The following RASAL1 variants were observed in gnomAD, a reference collection of about 807,000 sequenced individuals.
The protein encoded by RASAL1 is RAS protein activator like 1, also known as rasGAP-activating-like protein 1.
RASAL1 carries 72 observed loss-of-function variants against 96.6 expected under a neutral mutation model. The ratio of observed to expected loss-of-function variants is 0.75; its 90% CI spans 0.62 to 0.91. The LOEUF (loss-of-function observed/expected upper bound fraction) is 0.91, where lower values mean the gene tolerates loss of function less well. Among genes scored for constraint, RASAL1 ranks in the 40% least tolerant of loss-of-function variants. RASAL1 has a pLI of 0.00. For missense variants in RASAL1, 1,016 were observed against 1,072.5 expected, an observed-to-expected ratio of 0.95 and a Z score of 0.74; for synonymous variants, 405 against 430.4, an observed-to-expected ratio of 0.94 and a Z score of 0.73.
intron 4 of RASAL1, among the ~76,000 whole-genome samples, chr12:113,122,649 G>C (rs146608350): frequency 2.9e-4 from 44 of 151,768 alleles, no homozygotes; most frequent in Admixed American, 5.9e-4. Context: ...TAATTCTAAG[G>C]ACTATGTCTC....
chr12:113,135,311 A>G lies in RASAL1; in HGVS notation c.65+87T>C. On this transcript the variant is annotated intron_variant, in intron 1 of 20. Transcript: ENST00000548055. The surrounding 1 kb of genome is among the most constrained non-coding windows in gnomAD (Gnocchi z 5.7). ...ACAAGAACCCCTCGCCCTCCTGCCA[A>G]CCCGCCCTGGCACGCGGAAAGGGCG... 2 of 1,319,202 alleles carry G rather than the reference A, an allele frequency of 1.5e-6. No individual in the cohort carries two copies. The highest frequency in any genetic ancestry group is 2.1e-6 in the Non-Finnish European group (2 of 945,462). 81.7% of individuals were successfully genotyped at this position (1,319,202 alleles called of 1,614,324 possible).
chr12:113,112,812 C>G (rs181083260), intron 12 of RASAL1, among the ~76,000 whole-genome samples: 11 of 152,086 alleles, frequency 7.2e-5, no homozygotes, highest in Non-Finnish European at 1.6e-4. Context: ...ATTAGCCCAG[C>G]GTGGTGGTGC....
chr12:113,117,343 G>T (rs1488184436), intron 7 of RASAL1, among the ~76,000 whole-genome samples, 182 bp from the exon 8 acceptor site: 2 of 152,184 alleles, frequency 1.3e-5, no homozygotes, highest in Non-Finnish European at 2.9e-5. Context: ...AGGACACTGA[G>T]GGCTTCTGAG....
chr12:113,110,038 G>A (rs572733636), intron 13 of RASAL1, among the ~76,000 whole-genome samples: 2 of 152,308 alleles, frequency 1.3e-5, no homozygotes, highest in South Asian at 2.1e-4. Context: ...CTCACCATAC[G>A]AGGTCTAGGC....
At chr12:113,119,295 C>CT (rs1951201333) in intron 6 of RASAL1, 36 bp from the exon 7 acceptor site, 1 of 1,611,208 alleles carries the variant, frequency 6.2e-7, no homozygotes, top group African/African-American at 1.3e-5. Flanking sequence ...AGTGGGAGAG[C>CT]TGATGGGGAC....
rs950015332 is a variant in RASAL1 at position 113,117,142 on chromosome 12, G to T, written c.662C>A (p.Thr221Asn). ...FLGMVEFSPKTLQQKPPKGWF... is the reference protein window; with the variant it reads ...FLGMVEFSPKNLQQKPPKGWF... ...GCCTTTAGGTGGCTTCTGCTGGAGG[G>T]TCTTTGGAGAGAACTCCACCTTTTG... The change falls in exon 8 of 21, where the codon ACC becomes AAC. Residue 221 changes from threonine (T) to asparagine (N), a missense_variant. By Grantham distance (65) the Thr-to-Asn change is moderately conservative (BLOSUM62 0). Transcript: ENST00000548055. The T allele has an allele frequency of 1.2e-6, 2 of 1,604,096 alleles. No homozygotes were observed. The highest frequency in any genetic ancestry group is 1.7e-6 in the Non-Finnish European group (2 of 1,172,378).
At position 113,119,546 on chromosome 12, in the gene RASAL1, A is replaced by C. The variant is rs1951212167; in HGVS notation, c.429-103T>G. On this transcript the variant is annotated intron_variant, in intron 5 of 20. Coordinates refer to ENST00000548055, the MANE Select transcript of RASAL1 (RefSeq NM_001301202.2). ...TTCCAATGTCGCTGGTTTCCAAGGCAACAAACTGTTCCATGTAGGGGTCCA... is the reference window on the plus strand; with the variant it reads ...TTCCAATGTCGCTGGTTTCCAAGGCCACAAACTGTTCCATGTAGGGGTCCA... The C allele has an allele frequency of 2.6e-6, 3 of 1,158,138 alleles. No homozygotes were observed. The East Asian group carries it at 7.8e-5, about 30-fold the overall frequency. 71.7% of individuals were successfully genotyped at this position (1,158,138 alleles called of 1,614,324 possible).
intron 18 of RASAL1, among the ~76,000 whole-genome samples, chr12:113,103,294 A>T (rs1239731426): frequency 6.6e-6 from 1 of 150,730 alleles, no homozygotes; most frequent in East Asian, 1.9e-4. Flanking sequence ...TACATTGTTA[A>T]TAACAATGTA....
At position 113,115,512 on chromosome 12, in the gene RASAL1, A is replaced by C. The variant is rs1951042476; in HGVS notation, c.1003+123T>G. On this transcript the variant is annotated intron_variant, in intron 10 of 20. Transcript: ENST00000548055. This position sits in a 1 kb window ranked among gnomAD's most constrained non-coding sequence, Gnocchi z 4.1. ...CCAACTGTCTGGAGGTGCACAGCAC[A>C]GGGACCCACAGAAAAAGGAGCCCTT... is the stretch of plus-strand genomic sequence containing the variant. 2 of 1,318,714 alleles carry C rather than the reference A, an allele frequency of 1.5e-6. No homozygotes were observed. Among genetic ancestry groups the C allele is most frequent in the Non-Finnish European group, 1.0e-6 (1 of 967,580 alleles). 81.7% of individuals were successfully genotyped at this position (1,318,714 alleles called of 1,614,324 possible). A position where few individuals can be genotyped will look rare whatever the true frequency, so the allele number is the denominator to read the frequency against.
chr12:113,112,900 C>T (rs1313454534), intron 12 of RASAL1, among the ~76,000 whole-genome samples: 3 of 152,056 alleles, frequency 2.0e-5, no homozygotes, highest in Non-Finnish European at 2.9e-5. Flanking sequence ...TGCAGTGAGT[C>T]GAGATCGCAC....
At chr12:113,124,217 C>CAAAA (rs35190885) in intron 4 of RASAL1, among the ~76,000 whole-genome samples, 1 of 98,366 alleles carries the variant, frequency 1.0e-5, no homozygotes, top group African/African-American at 3.9e-5. Context: ...GACTCTGTCT[C>CAAAA]AAAAAAAAAA....
intron 12 of RASAL1, 63 bp from the exon 13 acceptor site, chr12:113,112,341 A>C: frequency 8.3e-7 from 1 of 1,206,264 alleles, no homozygotes; most frequent in South Asian, 4.2e-5. Flanking sequence ...CAAACCCTCC[A>C]CCGGCCCCGC....
intron 19 of RASAL1, 92 bp from the exon 20 acceptor site, chr12:113,100,772 AACCATC>A (rs1159722300): frequency 1.9e-5 from 20 of 1,050,262 alleles, no homozygotes; most frequent in Middle Eastern, 2.1e-4. Context: ...AGTTTTCCTG[AACCATC>A]ACCATCACCA....
Position 113,130,973 on chromosome 12 carries a change from G to A in RASAL1, c.66-32C>T, listed in dbSNP as rs780147286. The stretch of plus-strand genomic sequence containing the variant: ...AAGGAGGGAGTTCAGGGAGGAAGCA[G>A]GTTGAGAGGGCAGCCATGAGTGGAG... On this transcript the variant is annotated intron_variant, in intron 1 of 20. Transcript: ENST00000548055. The surrounding 1 kb of genome is among the most constrained non-coding windows in gnomAD (Gnocchi z 5.1). 2.5e-5 allele frequency: 39 copies of A among 1,579,428 alleles called. No homozygotes were observed. Among genetic ancestry groups the A allele is most frequent in the Non-Finnish European group, 3.2e-5 (37 of 1,150,872 alleles).
In RASAL1 at chr12:113,115,962, A is replaced by G. The variant is rs1951068505; in HGVS notation, c.821T>C (p.Leu274Pro). The change falls in exon 9 of 21, where the codon CTC becomes CCC. Residue 274 changes from leucine to proline, a missense_variant. By Grantham distance (98) the Leu-to-Pro change is moderately conservative. Coordinates refer to ENST00000548055, the MANE Select transcript of RASAL1 (RefSeq NM_001301202.2). The surrounding 1 kb of genome is among the most constrained non-coding windows in gnomAD (Gnocchi z 4.1). ...TGCTGGCCCCTGCACAGACTCCATG[A>G]GCAGCTCCATGAGAGGCTGGTAGCA... is the stretch of plus-strand genomic sequence containing the variant. ...SQCYQPLMELLMESVQGPAEE... is the reference protein window; with the variant it reads ...SQCYQPLMELPMESVQGPAEE... 1 of 1,608,320 alleles carries G rather than the reference A, an allele frequency of 6.2e-7. No individual in the cohort carries two copies. The highest frequency in any genetic ancestry group is 8.5e-7 in the Non-Finnish European group (1 of 1,176,860).
intron 13 of RASAL1, among the ~76,000 whole-genome samples, chr12:113,110,757 A>C (rs993097537): frequency 6.6e-6 from 1 of 152,138 alleles, no homozygotes; most frequent in Admixed American, 6.5e-5. Context: ...TGTCTCTAGA[A>C]AAATAAATAA....
chr12:113,124,062 T>C (rs1007966431), intron 4 of RASAL1, among the ~76,000 whole-genome samples: 11 of 151,520 alleles, frequency 7.3e-5, no homozygotes, highest in African/African-American at 2.7e-4. Flanking sequence ...TCTATGAAAA[T>C]ACAAAAAAAG....
chr12:113,130,837 G>A lies in RASAL1; in HGVS notation c.122+48C>T, dbSNP rs199511842. 1.3e-6 allele frequency: 2 copies of A among 1,518,106 alleles called. No individual in the cohort carries two copies. Among genetic ancestry groups the A allele is most frequent in the Non-Finnish European group, 9.1e-7 (1 of 1,100,468 alleles). 94.0% of individuals were successfully genotyped at this position (1,518,106 alleles called of 1,614,324 possible). ...CTTGGTCCCAGATTCCCCAGGTCTA[G>A]AAAGAGACCCCTCCCTTCCTCCTCT... is the stretch of plus-strand genomic sequence containing the variant. On this transcript the variant is annotated intron_variant, in intron 2 of 20. Coordinates refer to ENST00000548055, the MANE Select transcript of RASAL1 (RefSeq NM_001301202.2). The surrounding 1 kb of genome is among the most constrained non-coding windows in gnomAD (Gnocchi z 5.1).
intron 16 of RASAL1, 48 bp from the exon 17 acceptor site, chr12:113,104,346 G>A (rs920649566): frequency 1.8e-5 from 28 of 1,514,206 alleles, no homozygotes; most frequent in Non-Finnish European, 2.3e-5. Context: ...GCTAGGGCCG[G>A]GGTGGGGACA....
Sources: allele counts gnomAD v4.1 joint callset (sites outside exome capture counted in the v4.1 genomes callset), GRCh38; gene constraint gnomAD v4.1.1; non-coding constraint Gnocchi (gnomAD v3.1); transcripts MANE v1.5; gene names NCBI Gene and HGNC (gene_info 2026-07-23, HGNC 2026-07-21).